Variants in RGS17 observed in about 807,000 individuals in gnomAD.
The protein encoded by RGS17 is regulator of G-protein signaling 17.
RGS17 carries 12 observed loss-of-function variants against 25.5 expected under a neutral mutation model. The ratio of observed to expected loss-of-function variants is 0.47; its 90% CI spans 0.30 to 0.76. The LOEUF is 0.76. RGS17 is among the 30% of genes least tolerant of loss of function. The pLI is 0.07. For missense variants in RGS17, 196 were observed against 242.2 expected (o/e 0.81, Z 1.27); for synonymous variants, 71 against 76.9 (o/e 0.92, Z 0.40).
chr6:153,055,740 A>T (rs1776545431), intron 1 of RGS17, among the ~76,000 whole-genome samples: 1 of 152,182 alleles, frequency 6.6e-6, no homozygotes, highest in Non-Finnish European at 1.5e-5. Flanking sequence ...TTAATAAGGA[A>T]CACACATAAA....
Position 153,130,157 on chromosome 6 carries a change from G to T in RGS17, c.-26+967C>A, listed in dbSNP as rs140367417. 3.2e-3 allele frequency among the ~76,000 whole-genome samples: 489 copies of T among 152,284 alleles called. 3 individuals are homozygous for T. Among genetic ancestry groups the T allele is most frequent in the African/African-American group, 0.011 (466 of 41,570 alleles). ...TCCGGCATTTATTCAGGGAGACAGG[G>T]AGGCAGAGAGAAGAGGAGAAAGCGG... On this transcript the variant is annotated intron_variant, in intron 1 of 4. Coordinates refer to ENST00000206262, the MANE Select transcript of RGS17 (RefSeq NM_012419.5). The surrounding 1 kb of genome is among the most constrained non-coding windows in gnomAD (Gnocchi z 6.4).
chr6:153,015,090 G>C (rs1477492635), intron 4 of RGS17, among the ~76,000 whole-genome samples: 1 of 152,222 alleles, frequency 6.6e-6, no homozygotes, highest in Non-Finnish European at 1.5e-5. Context: ...TGGAGCCTGA[G>C]GATAGGACTG....
At position 153,011,581 on chromosome 6, in the gene RGS17, T is replaced by C; in HGVS notation, c.626A>G (p.Glu209Gly). The C allele has an allele frequency of 1.3e-6, 2 of 1,599,568 alleles. No homozygotes were observed. Among genetic ancestry groups the C allele is most frequent in the East Asian group, 2.2e-5 (1 of 44,740 alleles). The change falls in exon 5 of 5, where the codon GAA becomes GGA. Residue 209 changes from glutamate to glycine, a missense_variant. Coordinates refer to ENST00000206262, the MANE Select transcript of RGS17 (RefSeq NM_012419.5). ...ATTGTTTTTAAATGAACATTAAGATTCAGAAGAAGAGCCAGCAGTACTTTC... is the reference window on the plus strand; with the variant it reads ...ATTGTTTTTAAATGAACATTAAGATCCAGAAGAAGAGCCAGCAGTACTTTC... ...FVESTAGSSSES is the reference protein window; with the variant it reads ...FVESTAGSSSGS
chr6:153,100,555 G>C (rs896301576), intron 1 of RGS17, among the ~76,000 whole-genome samples: 1 of 151,288 alleles, frequency 6.6e-6, no homozygotes, highest in Middle Eastern at 3.4e-3. Flanking sequence ...GAAAAAAAAG[G>C]AAAGGAAAGA....
intron 2 of RGS17, among the ~76,000 whole-genome samples, chr6:153,027,568 T>C (rs1779315915): frequency 6.6e-6 from 1 of 152,134 alleles, no homozygotes; most frequent in Non-Finnish European, 1.5e-5. Context: ...TTACTCAAAA[T>C]AAGAAGCAAT....
chr6:153,130,623 A>T lies in RGS17; in HGVS notation c.-26+501T>A, dbSNP rs1325586567. Reference sequence around the variant, plus strand: ...AAGGTAAAGAGAGATAAGGGAGGAAACACAGCACCCAAGGTGATCAGTCGA... The same window carrying T: ...AAGGTAAAGAGAGATAAGGGAGGAATCACAGCACCCAAGGTGATCAGTCGA... On this transcript the variant is annotated intron_variant, in intron 1 of 4. Coordinates refer to ENST00000206262, the MANE Select transcript of RGS17 (RefSeq NM_012419.5). This position sits in a 1 kb window ranked among gnomAD's most constrained non-coding sequence, Gnocchi z 6.4. Among the ~76,000 whole-genome samples, 1 of 152,172 alleles carries T rather than the reference A, an allele frequency of 6.6e-6. No homozygotes were observed. The highest frequency in any genetic ancestry group is 1.5e-5 in the Non-Finnish European group (1 of 68,020).
At chr6:153,095,401 T>G (rs1777193981) in intron 1 of RGS17, among the ~76,000 whole-genome samples, 1 of 152,120 alleles carries the variant, frequency 6.6e-6, no homozygotes, top group African/African-American at 2.4e-5. Context: ...TATTGTTATG[T>G]TCACAATTTA....
At chr6:153,061,084 T>C (rs1310100606) in intron 1 of RGS17, among the ~76,000 whole-genome samples, 1 of 152,198 alleles carries the variant, frequency 6.6e-6, no homozygotes, top group East Asian at 1.9e-4. Context: ...TTCAATTGCT[T>C]AGAAATTTTA....
chr6:153,080,826 C>T (rs1776967747), intron 1 of RGS17, among the ~76,000 whole-genome samples: 3 of 151,124 alleles, frequency 2.0e-5, no homozygotes, highest in Admixed American at 2.0e-4. Context: ...AAAACATTTT[C>T]TCATTTCTCC....
At chr6:153,056,329 C>T (rs908311058) in intron 1 of RGS17, among the ~76,000 whole-genome samples, 1 of 152,112 alleles carries the variant, frequency 6.6e-6, no homozygotes, top group Non-Finnish European at 1.5e-5. Context: ...TAATCAGAAT[C>T]ATAATTTTCT....
At chr6:153,092,362 A>G (rs1163325284) in intron 1 of RGS17, among the ~76,000 whole-genome samples, 1 of 152,212 alleles carries the variant, frequency 6.6e-6, no homozygotes, top group Admixed American at 6.5e-5. Context: ...GGACAAGTCA[A>G]AAGAGAGTTT....
At chr6:153,123,678 T>C (rs1260869255) in intron 1 of RGS17, among the ~76,000 whole-genome samples, 1 of 152,132 alleles carries the variant, frequency 6.6e-6, no homozygotes, top group Non-Finnish European at 1.5e-5. Context: ...TATAAACAGA[T>C]TGTAATCAAA....
chr6:153,035,090 GT>G (rs1475180019), intron 2 of RGS17, among the ~76,000 whole-genome samples: 1 of 151,482 alleles, frequency 6.6e-6, no homozygotes, highest in African/African-American at 2.4e-5. Flanking sequence ...GCAGGCAGAG[GT>G]TGCAGTGGGC....
chr6:153,126,936 G>GA (rs1436549495), intron 1 of RGS17, among the ~76,000 whole-genome samples: 2 of 152,162 alleles, frequency 1.3e-5, no homozygotes, highest in Admixed American at 1.3e-4. Context: ...TTAGAAATAT[G>GA]AAGTTCTAAA....
At chr6:153,056,645 T>C (rs1373543860) in intron 1 of RGS17, among the ~76,000 whole-genome samples, 1 of 152,196 alleles carries the variant, frequency 6.6e-6, no homozygotes, top group African/African-American at 2.4e-5. Flanking sequence ...TTACTATTCC[T>C]GAAATGGGCT....
intron 2 of RGS17, among the ~76,000 whole-genome samples, chr6:153,034,568 T>C (rs1776215511): frequency 1.3e-5 from 2 of 152,180 alleles, no homozygotes; most frequent in South Asian, 4.1e-4. Flanking sequence ...AATCGCATTT[T>C]ACTGAGGAAG....
At chr6:153,095,415 T>C (rs1317001795) in intron 1 of RGS17, among the ~76,000 whole-genome samples, 1 of 152,138 alleles carries the variant, frequency 6.6e-6, no homozygotes, top group Non-Finnish European at 1.5e-5. Flanking sequence ...CAATTTAAAA[T>C]GTTTCTACTT....
At chr6:153,080,836 CT>C (rs922651095) in intron 1 of RGS17, among the ~76,000 whole-genome samples, 1 of 150,572 alleles carries the variant, frequency 6.6e-6, no homozygotes, top group African/African-American at 2.4e-5. Flanking sequence ...CTCATTTCTC[CT>C]GTTTTTTTTT....
At chr6:153,118,211 A>G (rs1777570707) in intron 1 of RGS17, among the ~76,000 whole-genome samples, 1 of 152,234 alleles carries the variant, frequency 6.6e-6, no homozygotes, top group Admixed American at 6.5e-5. Flanking sequence ...GATTTTTCAC[A>G]CCCAGGAGTA....
Sources: allele counts gnomAD v4.1 joint callset (sites outside exome capture counted in the v4.1 genomes callset), GRCh38; gene constraint gnomAD v4.1.1; non-coding constraint Gnocchi (gnomAD v3.1); transcripts MANE v1.5; gene names NCBI Gene and HGNC (gene_info 2026-07-23, HGNC 2026-07-21).